The following UNC5D variants were observed in gnomAD, a reference collection of about 807,000 sequenced individuals.
The protein encoded by UNC5D is netrin receptor UNC5D.
A neutral mutation model predicts 105.4 loss-of-function variants in UNC5D; 39 were observed. The ratio of observed to expected loss-of-function variants is 0.37; its 90% CI spans 0.29 to 0.48. UNC5D has a LOEUF of 0.48. UNC5D is among the 20% of genes least tolerant of loss of function. The probability of loss-of-function intolerance (pLI) is 0.98; values close to 1 mark genes in which losing one functional copy is unlikely to be tolerated. For synonymous variants in UNC5D, 452 were observed against 450.4 expected (o/e 1.00, Z -0.04); for missense variants, 991 against 1,202.4 (o/e 0.82, Z 2.60).
intron 1 of UNC5D, among the ~76,000 whole-genome samples, chr8:35,382,908 TGTC>T (rs1323334723): frequency 6.6e-6 from 1 of 152,184 alleles, no homozygotes; most frequent in Non-Finnish European, 1.5e-5. Context: ...TTCTTAACGC[TGTC>T]GTCGTCTACT....
At chr8:35,635,650 A>G (rs957283121) in intron 4 of UNC5D, among the ~76,000 whole-genome samples, 1 of 152,202 alleles carries the variant, frequency 6.6e-6, no homozygotes, top group African/African-American at 2.4e-5. Context: ...TGCATGTAGT[A>G]AAGGGTTCTT....
Position 35,318,540 on chromosome 8 carries a change from A to G in UNC5D, c.103+82653A>G, listed in dbSNP as rs372841133. Among the ~76,000 whole-genome samples the G allele has an allele frequency of 4.0e-3, 612 of 152,246 alleles. 8 individuals carry two copies. Among genetic ancestry groups the G allele is most frequent in the African/African-American group, 0.014 (595 of 41,582 alleles). ...TTATCATCCATAACATTTTAATGAT[A>G]CATATTTTTTAGGGTTGTTTTAGGA... On this transcript the variant is annotated intron_variant, in intron 1 of 16. Coordinates refer to ENST00000404895, the MANE Select transcript of UNC5D (RefSeq NM_080872.4).
At chr8:35,425,519 T>C (rs184377489) in intron 1 of UNC5D, among the ~76,000 whole-genome samples, 1 of 152,298 alleles carries the variant, frequency 6.6e-6, no homozygotes, top group Admixed American at 6.5e-5. Context: ...CTTAGGATTA[T>C]GGTAAGCCCT....
intron 3 of UNC5D, among the ~76,000 whole-genome samples, chr8:35,574,950 G>A (rs1817992172): frequency 6.6e-6 from 1 of 151,908 alleles, no homozygotes; most frequent in African/African-American, 2.4e-5. Flanking sequence ...GGGCCATCTT[G>A]CATGCTGTTT....
intron 1 of UNC5D, among the ~76,000 whole-genome samples, chr8:35,322,785 G>A (rs780675024): frequency 5.1e-4 from 77 of 152,216 alleles, no homozygotes; most frequent in Non-Finnish European, 1.1e-3. Context: ...GGCTCAGTAC[G>A]TACGATTTCT....
intron 1 of UNC5D, among the ~76,000 whole-genome samples, chr8:35,338,794 C>T (rs1034525300): frequency 2.6e-5 from 4 of 152,118 alleles, no homozygotes; most frequent in African/African-American, 4.8e-5. Flanking sequence ...TGCACAAGCC[C>T]TGATTTGCCT....
intron 2 of UNC5D, among the ~76,000 whole-genome samples, chr8:35,563,107 A>G (rs1447903735): frequency 6.6e-6 from 1 of 151,934 alleles, no homozygotes; most frequent in African/African-American, 2.4e-5. Flanking sequence ...ATGGGTCCGT[A>G]CAAATTTTAG....
intron 7 of UNC5D, among the ~76,000 whole-genome samples, chr8:35,692,501 G>T (rs1466647834): frequency 6.6e-6 from 1 of 152,166 alleles, no homozygotes; most frequent in Non-Finnish European, 1.5e-5. Flanking sequence ...TGTACTAGTG[G>T]TTTTATGGAA....
intron 1 of UNC5D, among the ~76,000 whole-genome samples, chr8:35,440,694 T>C (rs758599517): frequency 3.3e-5 from 5 of 151,978 alleles, no homozygotes; most frequent in Non-Finnish European, 5.9e-5. Context: ...GACATGAATA[T>C]TAATACATAT....
chr8:35,463,618 CA>C (rs1189276180), intron 1 of UNC5D, among the ~76,000 whole-genome samples: 6,237 of 109,672 alleles, frequency 0.057, 173 homozygotes, highest in African/African-American at 0.11. Context: ...CTATCTCTAT[CA>C]AAAAAAAAAA....
chr8:35,771,973 A>C (rs1802030205), intron 15 of UNC5D, among the ~76,000 whole-genome samples: 1 of 152,208 alleles, frequency 6.6e-6, no homozygotes, highest in African/African-American at 2.4e-5. Flanking sequence ...GTAGCATCCA[A>C]GGTCACTGAA....
intron 1 of UNC5D, among the ~76,000 whole-genome samples, chr8:35,515,031 A>C (rs1390766657): frequency 1.3e-5 from 2 of 152,224 alleles, no homozygotes; most frequent in Non-Finnish European, 2.9e-5. Flanking sequence ...CTGTCTATGA[A>C]GCTGTGGATG....
chr8:35,392,878 T>C (rs1308926002), intron 1 of UNC5D, among the ~76,000 whole-genome samples: 5 of 152,170 alleles, frequency 3.3e-5, no homozygotes, highest in Non-Finnish European at 2.9e-5. Flanking sequence ...TGGTATTTAT[T>C]ACTTAGCATT....
At chr8:35,639,678 C>T (rs986069783) in intron 4 of UNC5D, among the ~76,000 whole-genome samples, 6 of 152,022 alleles carry the variant, frequency 3.9e-5, no homozygotes, top group African/African-American at 7.2e-5. Flanking sequence ...AGATAAAACT[C>T]AAGAGTAGGG....
intron 1 of UNC5D, among the ~76,000 whole-genome samples, chr8:35,346,690 T>C (rs994543767): frequency 6.6e-6 from 1 of 152,010 alleles, no homozygotes; most frequent in Non-Finnish European, 1.5e-5. Context: ...TCAGAAAAAT[T>C]GGTACCATGG....
chr8:35,634,412 C>T (rs1234063712), intron 4 of UNC5D, among the ~76,000 whole-genome samples: 1 of 152,158 alleles, frequency 6.6e-6, no homozygotes, highest in African/African-American at 2.4e-5. Flanking sequence ...TAGCAAAACA[C>T]ATCCCTACTA....
In UNC5D at chr8:35,503,632, C is replaced by T. The variant is rs7829888; in HGVS notation, c.104-45660C>T. The stretch of plus-strand genomic sequence containing the variant: ...TCACTCTGTTTTATTCACATTCTCT[C>T]AAGAAGGAAGGAATGGAGGGTAATT... On this transcript the variant is annotated intron_variant, in intron 1 of 16. Coordinates refer to ENST00000404895, the MANE Select transcript of UNC5D (RefSeq NM_080872.4). Among the ~76,000 whole-genome samples the T allele has an allele frequency of 8.3e-3, 1,265 of 152,234 alleles. 25 individuals carry two copies. The highest frequency in any genetic ancestry group is 0.029 in the African/African-American group (1,203 of 41,534).
chr8:35,652,652 A>C (rs1823492739), intron 4 of UNC5D, among the ~76,000 whole-genome samples: 1 of 151,216 alleles, frequency 6.6e-6, no homozygotes, highest in Non-Finnish European at 1.5e-5. Flanking sequence ...GTTATCACTC[A>C]CTCCACCCCT....
chr8:35,568,474 A>G (rs1446785748), intron 3 of UNC5D, among the ~76,000 whole-genome samples: 2 of 152,216 alleles, frequency 1.3e-5, no homozygotes, highest in Non-Finnish European at 2.9e-5. Context: ...GGATCACTTG[A>G]GATTAGGAGT....
Sources: allele counts gnomAD v4.1 joint callset (sites outside exome capture counted in the v4.1 genomes callset), GRCh38; gene constraint gnomAD v4.1.1; transcripts MANE v1.5; gene names NCBI Gene and HGNC (gene_info 2026-07-23, HGNC 2026-07-21).